Variants in OXR1 observed in about 807,000 individuals in gnomAD.
OXR1 encodes oxidation resistance 1.
In OXR1, 41 loss-of-function variants were observed where a neutral mutation model predicts 104.6. That is an observed-to-expected ratio of 0.39 (90% CI 0.31 to 0.51). The LOEUF (loss-of-function observed/expected upper bound fraction) is 0.51, where lower values mean the gene tolerates loss of function less well. Ranked by LOEUF, OXR1 falls within the 20% of genes least tolerant of loss-of-function variation. OXR1 has a pLI of 0.77. For missense variants in OXR1, 955 were observed against 1,031.9 expected (o/e 0.93, Z 1.02); for synonymous variants, 348 against 348.4 (o/e 1.00, Z 0.01).
chr8:106,704,307 A>G (rs373004457), intron 8 of OXR1, among the ~76,000 whole-genome samples: 1 of 141,018 alleles, frequency 7.1e-6, no homozygotes, highest in African/African-American at 2.8e-5. Flanking sequence ...GGATATATAC[A>G]TATATGGAGA....
chr8:106,711,860 T>G (rs1036609560), intron 10 of OXR1, among the ~76,000 whole-genome samples: 3 of 152,128 alleles, frequency 2.0e-5, no homozygotes, highest in Non-Finnish European at 4.4e-5. Flanking sequence ...ATGGTTACCC[T>G]TTGCTAGACA....
At chr8:106,616,030 C>CTTTTTTTTTT (rs10718309) in intron 3 of OXR1, among the ~76,000 whole-genome samples, 1 of 73,332 alleles carries the variant, frequency 1.4e-5, no homozygotes, top group Non-Finnish European at 2.4e-5. Flanking sequence ...GAAACACCTT[C>CTTTTTTTTTT]TTTTTTTTTT....
intron 2 of OXR1, among the ~76,000 whole-genome samples, chr8:106,498,779 G>T (rs578233093): frequency 1.3e-5 from 2 of 152,100 alleles, no homozygotes; most frequent in South Asian, 2.1e-4. Flanking sequence ...AGTTAATTTT[G>T]TTCCAAGATA....
chr8:106,298,896 A>T (rs1367613957), intron 1 of OXR1, among the ~76,000 whole-genome samples: 1 of 150,742 alleles, frequency 6.6e-6, no homozygotes. Flanking sequence ...GAAAAACAAA[A>T]CATGAGAAAG....
chr8:106,433,634 A>G (rs28523747), intron 2 of OXR1, among the ~76,000 whole-genome samples: 1 of 152,000 alleles, frequency 6.6e-6, no homozygotes, highest in Admixed American at 6.5e-5. Context: ...AGCAAGGTAG[A>G]GTCAATTAGG....
At chr8:106,363,668 A>G (rs374740260) in intron 2 of OXR1, among the ~76,000 whole-genome samples, 1 of 152,192 alleles carries the variant, frequency 6.6e-6, no homozygotes, top group Admixed American at 6.5e-5. Flanking sequence ...ATAGAGCCAC[A>G]TCATCACCTA....
rs559727785 is a variant in OXR1 at position 106,732,731 on chromosome 8, C to T, written c.1957-4789C>T. 3.9e-5 allele frequency among the ~76,000 whole-genome samples: 6 copies of T among 152,212 alleles called. No individual in the cohort carries two copies. In the East Asian group the frequency reaches 5.8e-4, roughly 15 times the overall value. On this transcript the variant is annotated intron_variant, in intron 11 of 16. Coordinates refer to ENST00000517566, the MANE Select transcript of OXR1 (RefSeq NM_001198533.2). ...TCTTGCGTAGGTGGGATAAGTTCTA[C>T]TTCGTCGTTGTATATAATTCTGTAC...
Position 106,711,370 on chromosome 8 carries a change from T to C in OXR1, c.1793+580T>C, listed in dbSNP as rs182032846. ...TATAACAACTTTCCCTGTACTATTA[T>C]TCACTTAAAATTACTTTAACAGTTA... On this transcript the variant is annotated intron_variant, in intron 10 of 16. Transcript: ENST00000517566. Among the ~76,000 whole-genome samples the C allele has an allele frequency of 3.6e-3, 554 of 152,260 alleles. 1 individual carries two copies. Among genetic ancestry groups the C allele is most frequent in the Admixed American group, 5.8e-3 (88 of 15,280 alleles).
chr8:106,303,482 C>A (rs1404747188), intron 1 of OXR1, among the ~76,000 whole-genome samples: 3 of 150,588 alleles, frequency 2.0e-5, no homozygotes, highest in African/African-American at 7.3e-5. Flanking sequence ...TCATGATCCA[C>A]CCGCCTTGGC....
intron 3 of OXR1, among the ~76,000 whole-genome samples, chr8:106,582,821 T>C (rs1369710541): frequency 3.3e-5 from 5 of 152,178 alleles, no homozygotes; most frequent in Non-Finnish European, 7.4e-5. Flanking sequence ...ATCTTCCTTA[T>C]CAATTGTCTT....
At chr8:106,434,804 C>G (rs946850615) in intron 2 of OXR1, among the ~76,000 whole-genome samples, 1 of 152,132 alleles carries the variant, frequency 6.6e-6, no homozygotes, top group African/African-American at 2.4e-5. Flanking sequence ...TAATTAGTGC[C>G]TACTAGGAAT....
intron 5 of OXR1, among the ~76,000 whole-genome samples, chr8:106,683,899 A>G (rs896722196): frequency 2.6e-5 from 4 of 152,194 alleles, no homozygotes; most frequent in African/African-American, 7.2e-5. Context: ...TTTTCTTTAA[A>G]TGTAAGTATT....
At chr8:106,350,061 T>C (rs534085447) in intron 1 of OXR1, among the ~76,000 whole-genome samples, 1 of 152,046 alleles carries the variant, frequency 6.6e-6, no homozygotes, top group South Asian at 2.1e-4. Context: ...AAGCAATAGT[T>C]TGAAGTCACA....
chr8:106,720,942 T>A (rs1332157378), intron 11 of OXR1, among the ~76,000 whole-genome samples: 1 of 152,214 alleles, frequency 6.6e-6, no homozygotes, highest in Admixed American at 6.5e-5. Context: ...GAATTTGGAA[T>A]TTCTTATCAT....
intron 3 of OXR1, among the ~76,000 whole-genome samples, chr8:106,644,880 G>A: frequency 6.6e-6 from 1 of 152,166 alleles, no homozygotes; most frequent in Non-Finnish European, 1.5e-5. Flanking sequence ...TACAGCCATG[G>A]AACCAGAATC....
intron 3 of OXR1, among the ~76,000 whole-genome samples, chr8:106,550,557 G>A (rs1207604681): frequency 6.6e-6 from 1 of 152,178 alleles, no homozygotes; most frequent in Non-Finnish European, 1.5e-5. Flanking sequence ...GAGGGATGAG[G>A]TGGGAGGTGA....
intron 1 of OXR1, among the ~76,000 whole-genome samples, chr8:106,326,155 C>T (rs1191346867): frequency 6.6e-6 from 1 of 152,156 alleles, no homozygotes; most frequent in Admixed American, 6.5e-5. Flanking sequence ...TTGACCACAT[C>T]GTCTGTCAAA....
intron 2 of OXR1, among the ~76,000 whole-genome samples, chr8:106,470,982 A>T (rs1821460434): frequency 6.6e-6 from 1 of 151,736 alleles, no homozygotes; most frequent in South Asian, 2.1e-4. Flanking sequence ...GTAAAGTGAA[A>T]ACTTGACCAG....
At chr8:106,656,222 C>A (rs1453468960) in intron 3 of OXR1, 2 of 152,214 alleles carry the variant, frequency 1.3e-5, no homozygotes. Context: ...TAATAAAGCA[C>A]CATAGACTGA....
Sources: gnomAD v4.1 joint callset for allele counts (sites outside exome capture counted in the v4.1 genomes callset) on GRCh38, gnomAD v4.1.1 for gene constraint, MANE v1.5 for transcripts, NCBI Gene and HGNC (gene_info 2026-07-23, HGNC 2026-07-21) for gene names.